POMP: variants seen among roughly 807,000 people sequenced by gnomAD.
The protein encoded by POMP is proteasome maturation protein, also known as 2510048O06Rik.
POMP carries 12 observed loss-of-function variants against 20.6 expected under a neutral mutation model. The observed-to-expected ratio is 0.58, with a 90% CI of 0.37 to 0.94. The LOEUF is 0.94. Among genes scored for constraint, POMP ranks in the 40% least tolerant of loss-of-function variants. The probability of loss-of-function intolerance (pLI) is 0.01; values close to 1 mark genes in which losing one functional copy is unlikely to be tolerated. For synonymous variants in POMP, 53 were observed against 55.0 expected, an observed-to-expected ratio of 0.96 and a Z score of 0.16; for missense variants, 136 against 161.1, an observed-to-expected ratio of 0.84 and a Z score of 0.84.
intron 5 of POMP, among the ~76,000 whole-genome samples, chr13:28,677,193 A>ATTTCTATG (rs1175671092): frequency 6.7e-6 from 1 of 149,802 alleles, no homozygotes; most frequent in Non-Finnish European, 1.5e-5. Context: ...GTAGTCAAAA[A>ATTTCTATG]TATTGCCTTT....
chr13:28,659,218 A>T, intron 1 of POMP, 31 bp downstream of exon 1: 1 of 1,581,046 alleles, frequency 6.3e-7, no homozygotes, highest in African/African-American at 1.3e-5. Flanking sequence ...CTGGAGTTCC[A>T]CGCGGGCTCG....
intron 5 of POMP, 52 bp from the exon 6 acceptor site, chr13:28,677,983 T>A: frequency 6.5e-7 from 1 of 1,530,280 alleles, no homozygotes. Flanking sequence ...AATCATTGAA[T>A]GTATCTCTTT....
At chr13:28,659,678 C>T (rs756004058) in intron 1 of POMP, 8 of 176,784 alleles carry the variant, frequency 4.5e-5, no homozygotes, top group Non-Finnish European at 9.8e-5. Context: ...CTTTGCTCTA[C>T]AAACTTTTTT....
At chr13:28,668,659 C>A in intron 4 of POMP, 85 bp downstream of exon 4, 1 of 1,049,938 alleles carries the variant, frequency 9.5e-7, no homozygotes. Context: ...TATACCTTAT[C>A]TACCTTACAA....
At chr13:28,666,536 C>G (rs767888503) in intron 3 of POMP, among the ~76,000 whole-genome samples, 2 of 152,218 alleles carry the variant, frequency 1.3e-5, no homozygotes, top group Non-Finnish European at 2.9e-5. Flanking sequence ...CTTCTTTAAT[C>G]ATTTAGCCAG....
rs549551296 is a variant in POMP at position 28,676,284 on chromosome 13, G to A, written c.359-1751G>A. ...CTTCCAAAGTGCTGGGATTACAAGCGTGGGCCACCGCGCCTGGCCGGGAAT... is the reference window on the plus strand; with the variant it reads ...CTTCCAAAGTGCTGGGATTACAAGCATGGGCCACCGCGCCTGGCCGGGAAT... On this transcript the variant is annotated intron_variant, in intron 5 of 5. Coordinates refer to ENST00000380842, the MANE Select transcript of POMP (RefSeq NM_015932.6). 8.5e-5 allele frequency among the ~76,000 whole-genome samples: 13 copies of A among 152,284 alleles called. No homozygotes were observed. In the South Asian group the frequency reaches 1.0e-3, roughly 12 times the overall value.
rs971189064 is a variant in POMP, at chr13:28,678,448, GTC to G, written c.*348_*349del. ...TTGATTAAGCATTATAAGCATTTGA[GTC>G]TATAAACTTTATAGTAGCATCTTTC... is the stretch of plus-strand genomic sequence containing the variant. On this transcript the variant is annotated 3_prime_UTR_variant, in exon 6 of 6. Transcript: ENST00000380842. The G allele has an allele frequency of 3.9e-6, 1 of 258,470 alleles. No homozygotes were observed. Among genetic ancestry groups the G allele is most frequent in the Non-Finnish European group, 7.6e-6 (1 of 131,788 alleles). The allele number at this position is 258,470 out of a possible 1,614,324, so 16.0% of individuals were successfully genotyped here.
chr13:28,670,054 G>A (rs1367950068), intron 4 of POMP, among the ~76,000 whole-genome samples: 1 of 152,200 alleles, frequency 6.6e-6, no homozygotes, highest in Admixed American at 6.5e-5. Context: ...AGGTTGCAGT[G>A]AGCCGAGATC....
At chr13:28,659,290 C>A in intron 1 of POMP, 103 bp downstream of exon 1, 1 of 1,525,578 alleles carries the variant, frequency 6.6e-7, no homozygotes, top group Non-Finnish European at 8.8e-7. Flanking sequence ...GCGGCGGCGG[C>A]GGCAGCGTGG....
intron 5 of POMP, among the ~76,000 whole-genome samples, chr13:28,673,828 A>T (rs995347289): frequency 1.3e-5 from 2 of 152,250 alleles, no homozygotes; most frequent in Non-Finnish European, 2.9e-5. Context: ...TTATCTAGTC[A>T]GTCAAATATG....
intron 5 of POMP, among the ~76,000 whole-genome samples, chr13:28,677,523 A>G (rs976447406): frequency 6.6e-6 from 1 of 152,100 alleles, no homozygotes; most frequent in Non-Finnish European, 1.5e-5. Context: ...CTTTTGTCTG[A>G]CTCATCTGTA....
At chr13:28,662,322 C>T in intron 1 of POMP, 88 bp from the exon 2 acceptor site, 1 of 956,064 alleles carries the variant, frequency 1.0e-6, no homozygotes. Flanking sequence ...TTTTCTGTCT[C>T]CTACTTAAAC....
intron 4 of POMP, 72 bp from the exon 5 acceptor site, chr13:28,672,267 A>C: frequency 8.4e-7 from 1 of 1,183,642 alleles, no homozygotes; most frequent in Non-Finnish European, 1.3e-6. Context: ...AAGAACATGA[A>C]ATTAGACTAT....
At chr13:28,668,410 C>T in intron 3 of POMP, 63 bp from the exon 4 acceptor site, 1 of 1,175,458 alleles carries the variant, frequency 8.5e-7, no homozygotes, top group Admixed American at 1.7e-5. Context: ...ATATATGCCA[C>T]TGCTAACTGT....
chr13:28,663,634 A>G (rs776563367), intron 2 of POMP, among the ~76,000 whole-genome samples: 4 of 152,230 alleles, frequency 2.6e-5, no homozygotes, highest in African/African-American at 7.2e-5. Context: ...CTATAATAGA[A>G]TGGCATTCTA....
chr13:28,668,663 C>G, intron 4 of POMP, 89 bp downstream of exon 4: 1 of 1,012,712 alleles, frequency 9.9e-7, no homozygotes, highest in Non-Finnish European at 1.5e-6. Context: ...CCTTATCTAC[C>G]TTACAACCTA....
chr13:28,667,412 T>A (rs1231891830), intron 3 of POMP, among the ~76,000 whole-genome samples: 2 of 152,166 alleles, frequency 1.3e-5, no homozygotes, highest in Admixed American at 1.3e-4. Flanking sequence ...AAAATTGTAT[T>A]ATCATGAGGA....
chr13:28,669,355 C>T (rs1315627162), intron 4 of POMP, among the ~76,000 whole-genome samples: 2 of 151,988 alleles, frequency 1.3e-5, no homozygotes, highest in African/African-American at 4.8e-5. Flanking sequence ...CTTCCTTTTT[C>T]CCTTGGCTTT....
intron 2 of POMP, 69 bp from the exon 3 acceptor site, chr13:28,664,440 G>A (rs1375448063): frequency 1.8e-6 from 2 of 1,081,266 alleles, no homozygotes; most frequent in East Asian, 5.0e-5. Flanking sequence ...TTATAGATAT[G>A]ATTTTGAGCT....
Sources: gnomAD v4.1 joint callset for allele counts (sites outside exome capture counted in the v4.1 genomes callset) on GRCh38, gnomAD v4.1.1 for gene constraint, MANE v1.5 for transcripts, NCBI Gene and HGNC (gene_info 2026-07-23, HGNC 2026-07-21) for gene names.